The following PCSK5 variants were observed in gnomAD, a reference collection of about 807,000 sequenced individuals.
PCSK5 encodes the protein prohormone convertase 5.
A neutral mutation model predicts 233.2 loss-of-function variants in PCSK5; 129 were observed. The observed-to-expected ratio is 0.55, with a 90% CI of 0.48 to 0.64. The LOEUF is 0.64. PCSK5 is among the 30% of genes least tolerant of loss of function. PCSK5 has a pLI of 0.00. For synonymous variants in PCSK5, 825 were observed against 879.2 expected (o/e 0.94, Z 1.09); for missense variants, 2,076 against 2,430.1 (o/e 0.85, Z 3.06).
intron 1 of PCSK5, 125 bp downstream of exon 1, chr9:75,891,498 G>T (rs946364291): frequency 1.3e-6 from 1 of 757,036 alleles, no homozygotes; most frequent in East Asian, 3.2e-5. Flanking sequence ...TAACTCTTGG[G>T]CGATGCTCTG....
intron 5 of PCSK5, among the ~76,000 whole-genome samples, chr9:76,056,164 A>C (rs974230770): frequency 2.2e-4 from 33 of 152,174 alleles, no homozygotes; most frequent in African/African-American, 7.7e-4. Flanking sequence ...AAAGAGTGAA[A>C]TATAAAGTCA....
chr9:75,955,215 A>G (rs1429598626), intron 2 of PCSK5, among the ~76,000 whole-genome samples: 4 of 152,172 alleles, frequency 2.6e-5, no homozygotes, highest in African/African-American at 9.7e-5. Flanking sequence ...ACTTAGCCAA[A>G]TAATGCTGTT....
chr9:76,204,056 G>C (rs1341997642), intron 20 of PCSK5, among the ~76,000 whole-genome samples: 2 of 152,124 alleles, frequency 1.3e-5, no homozygotes, highest in Non-Finnish European at 2.9e-5. Context: ...ATATGTATTA[G>C]GCAAAAACAT....
At chr9:76,188,708 G>A (rs760854285) in intron 18 of PCSK5, 33 bp downstream of exon 18, 57 of 1,530,650 alleles carry the variant, frequency 3.7e-5, no homozygotes, top group Admixed American at 2.4e-4. Flanking sequence ...TTATTCTCCC[G>A]GTTCTGGTTT....
chr9:76,210,957 G>A (rs929909449), intron 20 of PCSK5, among the ~76,000 whole-genome samples: 2 of 152,174 alleles, frequency 1.3e-5, no homozygotes, highest in East Asian at 1.9e-4. Flanking sequence ...CTGATTGGAT[G>A]ATGGTGGCAC....
At chr9:76,322,756 C>T (rs1438179221) in intron 31 of PCSK5, among the ~76,000 whole-genome samples, 1 of 152,202 alleles carries the variant, frequency 6.6e-6, no homozygotes, top group Non-Finnish European at 1.5e-5. Context: ...TACCGCCAGC[C>T]TCTCAGCCAT....
chr9:75,897,906 G>T (rs1341544223), intron 1 of PCSK5, among the ~76,000 whole-genome samples: 2 of 152,010 alleles, frequency 1.3e-5, no homozygotes, highest in Non-Finnish European at 2.9e-5. Context: ...GAATATAGAT[G>T]GGACCTTTTT....
chr9:76,086,591 A>G (rs1398092433), intron 7 of PCSK5, among the ~76,000 whole-genome samples: 1 of 152,240 alleles, frequency 6.6e-6, no homozygotes, highest in African/African-American at 2.4e-5. Flanking sequence ...CAAATGAGAT[A>G]AGGCAGAAGA....
chr9:76,105,983 G>A lies in PCSK5; in HGVS notation c.1108-1268G>A, dbSNP rs149681921. ...ACATAGAATAAACTTCTAAGTGAGA[G>A]TCTGTCTCTAAGGAGCTATACAGCA... On this transcript the variant is annotated intron_variant, in intron 8 of 37. Transcript: ENST00000674117. Among the ~76,000 whole-genome samples, 419 of 152,330 alleles carry A rather than the reference G, an allele frequency of 2.8e-3. 1 individual carries two copies. The highest frequency in any genetic ancestry group is 7.2e-3 in the Admixed American group (110 of 15,302).
At chr9:75,905,320 G>A (rs1242599503) in intron 1 of PCSK5, among the ~76,000 whole-genome samples, 2 of 152,054 alleles carry the variant, frequency 1.3e-5, no homozygotes, top group Admixed American at 1.3e-4. Context: ...ACCAGCCTGG[G>A]CAATAAAGTG....
Position 76,208,982 on chromosome 9 carries a change from G to C in PCSK5, c.2627-18521G>C, listed in dbSNP as rs140229123. 4.2e-3 allele frequency among the ~76,000 whole-genome samples: 642 copies of C among 152,196 alleles called. 4 individuals carry two copies. The highest frequency in any genetic ancestry group is 0.015 in the African/African-American group (604 of 41,516). ...TTCTCTCCATGAACTTCAATAAATT[G>C]GCAGTGAACTTCTGTGCTGGAAAGA... On this transcript the variant is annotated intron_variant, in intron 20 of 37. Coordinates refer to ENST00000674117, the MANE Select transcript of PCSK5 (RefSeq NM_001372043.1).
In PCSK5 at chr9:76,362,518, C is replaced by T. The variant is rs1830445641; in HGVS notation, c.*3596C>T. Among the ~76,000 whole-genome samples the T allele has an allele frequency of 1.3e-5, 2 of 152,180 alleles. No individual in the cohort carries two copies. Among genetic ancestry groups the T allele is most frequent in the Non-Finnish European group, 2.9e-5 (2 of 68,036 alleles). On this transcript the variant is annotated 3_prime_UTR_variant, in exon 38 of 38. Transcript: ENST00000674117. ...CTGAATTTTCTCTCCTAAAAATCAG[C>T]TCAATCTGTCTTTCTGCCTCATCAG...
Position 76,233,721 on chromosome 9 carries a change from T to C in PCSK5, c.2866+125T>C. ...GGGTTAAGATCAGACAGCTGTTCAC[T>C]GGAGAGCGTGTACAACCTTGAACTT... On this transcript the variant is annotated intron_variant, in intron 22 of 37. Transcript: ENST00000674117. 4 of 827,374 alleles carry C rather than the reference T, an allele frequency of 4.8e-6. No individual in the cohort carries two copies. In the South Asian group the frequency reaches 4.9e-5, roughly 10 times the overall value. The allele number at this position is 827,374 out of a possible 1,614,324, so 51.3% of individuals were successfully genotyped here.
intron 3 of PCSK5, among the ~76,000 whole-genome samples, chr9:76,008,725 G>T (rs1827592349): frequency 1.3e-5 from 2 of 152,184 alleles, no homozygotes; most frequent in South Asian, 2.1e-4. Flanking sequence ...CTCCCAAAGT[G>T]CTGGGATTAC....
chr9:76,323,361 G>A (rs1829267697), intron 32 of PCSK5, 73 bp downstream of exon 32: 1 of 840,738 alleles, frequency 1.2e-6, no homozygotes, highest in East Asian at 2.5e-5. Flanking sequence ...CGCCAGAGCT[G>A]TCATCTCAAT....
intron 1 of PCSK5, among the ~76,000 whole-genome samples, chr9:75,922,157 G>A (rs562156397): frequency 2.0e-5 from 3 of 152,166 alleles, no homozygotes; most frequent in Non-Finnish European, 4.4e-5. Flanking sequence ...CATTAGTAGG[G>A]TACAAAAATG....
intron 24 of PCSK5, among the ~76,000 whole-genome samples, chr9:76,270,442 C>T (rs558242637): frequency 6.6e-6 from 1 of 152,304 alleles, no homozygotes; most frequent in South Asian, 2.1e-4. Context: ...CCCTTTGGCT[C>T]TCCAGCCTGG....
chr9:76,006,330 A>T (rs1274735075), intron 3 of PCSK5, among the ~76,000 whole-genome samples: 1 of 152,120 alleles, frequency 6.6e-6, no homozygotes, highest in Non-Finnish European at 1.5e-5. Context: ...TTATGTATAT[A>T]TAGTTTATAT....
At position 76,132,439 on chromosome 9, in the gene PCSK5, T is replaced by C. The variant is rs976072885; in HGVS notation, c.1209-1670T>C. ...TGTAGTTGGGGTTTAATTTCCACAA[T>C]TCAAGTTCTTTTGTTGATATAACTT... On this transcript the variant is annotated intron_variant, in intron 9 of 37. Coordinates refer to ENST00000674117, the MANE Select transcript of PCSK5 (RefSeq NM_001372043.1). Among the ~76,000 whole-genome samples the C allele has an allele frequency of 7.9e-5, 12 of 152,098 alleles. No individual in the cohort carries two copies. In the South Asian group the frequency reaches 1.2e-3, roughly 16 times the overall value.
Sources: gnomAD v4.1 joint callset for allele counts (sites outside exome capture counted in the v4.1 genomes callset) on GRCh38, gnomAD v4.1.1 for gene constraint, MANE v1.5 for transcripts, NCBI Gene and HGNC (gene_info 2026-07-23, HGNC 2026-07-21) for gene names.